Variants in IL24 observed in about 807,000 individuals in gnomAD.
IL24 encodes interleukin 24, also known as interleukin-24.
A neutral mutation model predicts 27.6 loss-of-function variants in IL24; 24 were observed. That is an observed-to-expected ratio of 0.87 (90% CI 0.63 to 1.22). IL24 has a LOEUF of 1.22. Among genes scored for constraint, IL24 ranks in the 50% most tolerant of loss-of-function variants. The probability of loss-of-function intolerance (pLI) is 0.00; values close to 1 mark genes in which losing one functional copy is unlikely to be tolerated. For missense variants in IL24, 240 were observed against 237.0 expected, an observed-to-expected ratio of 1.01 and a Z score of -0.08; for synonymous variants, 99 against 93.1, an observed-to-expected ratio of 1.06 and a Z score of -0.36.
Position 206,902,091 on chromosome 1 carries a change from A to G in IL24, c.537+19A>G. On this transcript the variant is annotated intron_variant, in intron 6 of 6. Transcript: ENST00000294984. ...CAAACAGGTAAGGCCAAGAGCTGAGAGCTTGCCCATCCAGCAGAATAGACT... is the reference window on the plus strand; with the variant it reads ...CAAACAGGTAAGGCCAAGAGCTGAGGGCTTGCCCATCCAGCAGAATAGACT... 1 of 1,613,864 alleles carries G rather than the reference A, an allele frequency of 6.2e-7. No individual in the cohort carries two copies. The highest frequency in any genetic ancestry group is 8.5e-7 in the Non-Finnish European group (1 of 1,179,992).
rs1237997363 is a variant in IL24, at chr1:206,903,092, C to T, written c.*33C>T. On this transcript the variant is annotated 3_prime_UTR_variant, in exon 7 of 7. Coordinates refer to ENST00000294984, the MANE Select transcript of IL24 (RefSeq NM_006850.3). The stretch of plus-strand genomic sequence containing the variant: ...GACCAGGACCTCCCTCCCCCTGGCA[C>T]TGGTTTGTTCCCTGTGTCATTTCAA... 1.3e-6 allele frequency: 2 copies of T among 1,556,534 alleles called. No homozygotes were observed. The highest frequency in any genetic ancestry group is 1.7e-5 in the Admixed American group (1 of 59,970).
rs199662518 is a variant in IL24, at chr1:206,903,067, G to A, written c.*8G>A. ...AAATTCTACAAGCTCTGAATGTCTAGACCAGGACCTCCCTCCCCCTGGCAC... is the reference window on the plus strand; with the variant it reads ...AAATTCTACAAGCTCTGAATGTCTAAACCAGGACCTCCCTCCCCCTGGCAC... On this transcript the variant is annotated 3_prime_UTR_variant, in exon 7 of 7. Transcript: ENST00000294984. 7.0e-5 allele frequency: 112 copies of A among 1,607,704 alleles called. No individual in the cohort carries two copies. The highest frequency in any genetic ancestry group is 9.1e-5 in the Non-Finnish European group (107 of 1,174,298).
In IL24 at chr1:206,897,715, T is replaced by C; in HGVS notation, c.-102-16T>C. ...GTGGGGACAGCAGAAGTCAATTTTT[T>C]TGAGTGTTGATGTAGGGACAAGACA... On this transcript the variant is annotated splice_polypyrimidine_tract_variant and intron_variant, in intron 1 of 6. Transcript: ENST00000294984. 9.9e-7 allele frequency: 1 copy of C among 1,013,796 alleles called. No homozygotes were observed. Among genetic ancestry groups the C allele is most frequent in the South Asian group, 1.5e-5 (1 of 68,326 alleles). The allele number at this position is 1,013,796 out of a possible 1,614,324, so 62.8% of individuals were successfully genotyped here.
intron 6 of IL24, chr1:206,902,286 T>C (rs1678422085): frequency 2.0e-6 from 2 of 985,284 alleles, no homozygotes; most frequent in Non-Finnish European, 1.2e-6. Context: ...GTTAAAGTGC[T>C]TCTATATTTC....
intron 5 of IL24, 77 bp from the exon 6 acceptor site, chr1:206,901,921 C>G: frequency 7.0e-7 from 1 of 1,435,300 alleles, no homozygotes; most frequent in Non-Finnish European, 9.8e-7. Flanking sequence ...CCTGTGGCAT[C>G]AGCAGGAAAA....
At position 206,902,991 on chromosome 1, in the gene IL24, G is replaced by C. The variant is rs758131656; in HGVS notation, c.553G>C (p.Ala185Pro). The C allele has an allele frequency of 1.2e-6, 2 of 1,614,082 alleles. No individual in the cohort carries two copies. Among genetic ancestry groups the C allele is most frequent in the East Asian group, 2.2e-5 (1 of 44,908 alleles). Residue 185 changes from alanine (A) to proline (P), a missense_variant, in exon 7 of 7, where the codon GCT becomes CCT. Physicochemically the swap from Ala to Pro is conservative, Grantham distance 27 (BLOSUM62 -1). Coordinates refer to ENST00000294984, the MANE Select transcript of IL24 (RefSeq NM_006850.3). The part of the protein sequence containing the change: ...RAFKQLDVEA[A>P]LTKALGEVDI... ...TTCCCTTTAGTTGGACGTAGAAGCA[G>C]CTCTGACCAAAGCCCTTGGGGAAGT...
rs754397701 is a variant in IL24, at chr1:206,897,881, G to A, written c.44+5G>A. The A allele has an allele frequency of 1.2e-5, 19 of 1,590,174 alleles. No homozygotes were observed. Among genetic ancestry groups the A allele is most frequent in the African/African-American group, 2.7e-5 (2 of 74,544 alleles). On this transcript the variant is annotated splice_donor_5th_base_variant and intron_variant, in intron 2 of 6. Coordinates refer to ENST00000294984, the MANE Select transcript of IL24 (RefSeq NM_006850.3). ...AAGCCTGTGGACTTTAGCCAGGTGC[G>A]GTGGCTCACACCTGTAATCCCAGAA...
chr1:206,902,813 T>C (rs1421397585), intron 6 of IL24, 163 bp from the exon 7 acceptor site: 4 of 985,270 alleles, frequency 4.1e-6, no homozygotes, highest in East Asian at 1.1e-4. Context: ...TAAACACATG[T>C]AGATGGAGGA....
At chr1:206,902,421 A>C (rs1678428234) in intron 6 of IL24, 3 of 295,142 alleles carry the variant, frequency 1.0e-5, no homozygotes, top group Non-Finnish European at 4.4e-6. Flanking sequence ...CCCCATACAC[A>C]TCTGCAGTAT....
chr1:206,898,935 T>A (rs925501028), intron 2 of IL24, among the ~76,000 whole-genome samples: 55 of 152,184 alleles, frequency 3.6e-4, no homozygotes, highest in African/African-American at 1.3e-3. Flanking sequence ...GCTCTTTGTT[T>A]TCCTGGGTTT....
At chr1:206,902,524 T>C (rs1445899618) in intron 6 of IL24, 1 of 983,660 alleles carries the variant, frequency 1.0e-6, no homozygotes, top group Non-Finnish European at 1.2e-6. Context: ...AAAACCCAAA[T>C]TTCATCCCCA....
At chr1:206,898,164 CA>C (rs59175256) in intron 2 of IL24, among the ~76,000 whole-genome samples, 1,561 of 99,850 alleles carry the variant, frequency 0.016, 9 homozygotes, top group African/African-American at 0.035. Flanking sequence ...GAAATTCTGT[CA>C]AAAAAAAAAA....
At chr1:206,902,122 G>A (rs1678414810) in intron 6 of IL24, 50 bp downstream of exon 6, 1 of 1,608,572 alleles carries the variant, frequency 6.2e-7, no homozygotes, top group Non-Finnish European at 8.5e-7. Context: ...AGACTAGTCT[G>A]CACCATCACA....
intron 2 of IL24, among the ~76,000 whole-genome samples, chr1:206,898,228 G>A (rs1678235052): frequency 6.6e-6 from 1 of 150,666 alleles, no homozygotes; most frequent in Non-Finnish European, 1.5e-5. Flanking sequence ...GACATTGAGG[G>A]AGATGCTAAA....
chr1:206,899,662 C>A, intron 3 of IL24, 147 bp downstream of exon 3: 1 of 634,146 alleles, frequency 1.6e-6, no homozygotes, highest in Non-Finnish European at 2.5e-6. Context: ...TCTGTGAGGT[C>A]AGAAGGCACC....
In IL24 at chr1:206,902,989, C is replaced by T; in HGVS notation, c.551C>T (p.Ala184Val). ...RRAFKQLDVE[A>V]ALTKALGEVD... is the part of the protein sequence containing the mutation. ...TTTTCCCTTTAGTTGGACGTAGAAGCAGCTCTGACCAAAGCCCTTGGGGAA... is the reference window on the plus strand; with the variant it reads ...TTTTCCCTTTAGTTGGACGTAGAAGTAGCTCTGACCAAAGCCCTTGGGGAA... The change falls in exon 7 of 7, where the codon GCA becomes GTA. Residue 184 changes from alanine to valine, a missense_variant. Transcript: ENST00000294984. 1 of 1,614,216 alleles carries T rather than the reference C, an allele frequency of 6.2e-7. No individual in the cohort carries two copies. The highest frequency in any genetic ancestry group is 1.1e-5 in the South Asian group (1 of 91,080).
Position 206,899,498 on chromosome 1 carries a change from G to A in IL24, c.223G>A (p.Ala75Thr), listed in dbSNP as rs755125995. The A allele has an allele frequency of 6.2e-7, 1 of 1,606,888 alleles. No homozygotes were observed. Among genetic ancestry groups the A allele is most frequent in the Non-Finnish European group, 8.5e-7 (1 of 1,176,548 alleles). ...CCAGAAACTGTGGGAAGCCTTCTGG[G>A]CTGTGAAAGACACTATGGTGAGTAA... is the stretch of plus-strand genomic sequence containing the variant. ...VPQKLWEAFW[A>T]VKDTMQAQDN... Residue 75 changes from alanine (A) to threonine (T), a missense_variant, in exon 3 of 7, where the codon GCT (alanine) becomes ACT (threonine). Transcript: ENST00000294984.
Position 206,903,013 on chromosome 1 carries a change from A to G in IL24, c.575A>G (p.Glu192Gly). 1 of 1,614,158 alleles carries G rather than the reference A, an allele frequency of 6.2e-7. No homozygotes were observed. Among genetic ancestry groups the G allele is most frequent in the South Asian group, 1.1e-5 (1 of 91,080 alleles). Reference protein sequence around the residue: ...VEAALTKALGEVDILLTWMQK... With the variant: ...VEAALTKALGGVDILLTWMQK... ...GCAGCTCTGACCAAAGCCCTTGGGG[A>G]AGTGGACATTCTTCTGACCTGGATG... Residue 192 changes from glutamate to glycine, a missense_variant, in exon 7 of 7, where the codon GAA becomes GGA. Coordinates refer to ENST00000294984, the MANE Select transcript of IL24 (RefSeq NM_006850.3).
chr1:206,897,812 GGAGGAACAC>G lies in IL24; in HGVS notation c.-17_-9del, dbSNP rs1278478268. 5 of 1,612,476 alleles carry G rather than the reference GGAGGAACAC, an allele frequency of 3.1e-6. No individual in the cohort carries two copies. The Admixed American group carries it at 8.3e-5, about 27-fold the overall frequency. On this transcript the variant is annotated 5_prime_UTR_variant, in exon 2 of 7. Coordinates refer to ENST00000294984, the MANE Select transcript of IL24 (RefSeq NM_006850.3). The stretch of plus-strand genomic sequence containing the variant: ...TTGAGGCTGCTTGGGAGGAAGGCCA[GGAGGAACAC>G]GAGACTGAGAGATGAATTTTCAACA...
Sources: allele counts gnomAD v4.1 joint callset (sites outside exome capture counted in the v4.1 genomes callset), GRCh38; gene constraint gnomAD v4.1.1; transcripts MANE v1.5; gene names NCBI Gene and HGNC (gene_info 2026-07-23, HGNC 2026-07-21).